The following FAM124A variants were observed in gnomAD, a reference collection of about 807,000 sequenced individuals.
The protein encoded by FAM124A is family with sequence similarity 124 member A.
FAM124A carries 23 observed loss-of-function variants against 24.5 expected under a neutral mutation model. That is an observed-to-expected ratio of 0.94 (90% CI 0.68 to 1.33). The LOEUF is 1.33. Ranked by LOEUF, FAM124A falls within the 40% of genes most tolerant of loss-of-function variation. The probability of loss-of-function intolerance (pLI) is 0.00; values close to 1 mark genes in which losing one functional copy is unlikely to be tolerated. For missense variants in FAM124A, 623 were observed against 722.8 expected, an observed-to-expected ratio of 0.86 and a Z score of 1.58; for synonymous variants, 287 against 314.7, an observed-to-expected ratio of 0.91 and a Z score of 0.93.
In FAM124A at chr13:51,251,875, G is replaced by A; in HGVS notation, c.508G>A (p.Glu170Lys). 1 of 1,613,894 alleles carries A rather than the reference G, an allele frequency of 6.2e-7. No individual in the cohort carries two copies. Among genetic ancestry groups the A allele is most frequent in the African/African-American group, 1.3e-5 (1 of 75,074 alleles). Reference sequence around the variant, plus strand: ...CATCCGGCCCGTGCACTACGGCAAGGAAATCGTGCGCTTCACCGTCTACTG... The same window carrying A: ...CATCCGGCCCGTGCACTACGGCAAGAAAATCGTGCGCTTCACCGTCTACTG... Reference protein sequence around the residue: ...WAIRPVHYGKEIVRFTVYCRY... With the variant: ...WAIRPVHYGKKIVRFTVYCRY... Residue 170 changes from glutamate to lysine, a missense_variant, in exon 3 of 4, where the codon GAA becomes AAA. By Grantham distance (56) the Glu-to-Lys change is moderately conservative. Transcript: ENST00000322475. This position sits in a 1 kb window ranked among gnomAD's most constrained non-coding sequence, Gnocchi z 5.3.
intron 1 of FAM124A, among the ~76,000 whole-genome samples, chr13:51,228,501 C>T (rs2137644045): frequency 6.6e-6 from 1 of 152,254 alleles, no homozygotes; most frequent in African/African-American, 2.4e-5. Flanking sequence ...TTTCATGCTT[C>T]ATTCTGGCAG....
intron 3 of FAM124A, among the ~76,000 whole-genome samples, chr13:51,269,606 C>G (rs940563146): frequency 3.3e-5 from 5 of 151,996 alleles, no homozygotes; most frequent in Non-Finnish European, 7.4e-5. Context: ...AAAAGAAAAT[C>G]AATACATTAA....
chr13:51,225,928 GAGA>G (rs1954310446), intron 1 of FAM124A, among the ~76,000 whole-genome samples: 2 of 148,586 alleles, frequency 1.3e-5, no homozygotes, highest in African/African-American at 4.9e-5. Context: ...AAGGGGGAAG[GAGA>G]AGGAGGAGAA....
chr13:51,276,336 A>G (rs1954885726), intron 3 of FAM124A, among the ~76,000 whole-genome samples: 1 of 152,190 alleles, frequency 6.6e-6, no homozygotes, highest in Non-Finnish European at 1.5e-5. Context: ...CTGCCATTCT[A>G]TGCAGAGAAT....
At chr13:51,259,293 G>GTGTGAA in intron 3 of FAM124A, among the ~76,000 whole-genome samples, 1 of 152,152 alleles carries the variant, frequency 6.6e-6, no homozygotes, top group African/African-American at 2.4e-5. Flanking sequence ...ATGCAAATCA[G>GTGTGAA]ATCATGTGAC....
In FAM124A at chr13:51,280,774, G is replaced by T; in HGVS notation, c.1159G>T (p.Ala387Ser). 6.2e-7 allele frequency: 1 copy of T among 1,614,196 alleles called. No homozygotes were observed. Among genetic ancestry groups the T allele is most frequent in the Non-Finnish European group, 8.5e-7 (1 of 1,180,042 alleles). The change falls in exon 4 of 4, where the codon GCC (alanine) becomes TCC (serine). Residue 387 changes from alanine (A) to serine (S), a missense_variant. Physicochemically the swap from Ala to Ser is moderately conservative, Grantham distance 99. Transcript: ENST00000322475. ...AEPQWFSNTG[A>S]PGHRASEWRH... ...ACCACAGTGGTTTTCAAACACAGGT[G>T]CCCCAGGGCACAGGGCATCAGAGTG...
intron 2 of FAM124A, among the ~76,000 whole-genome samples, chr13:51,246,780 G>A (rs552661058): frequency 4.5e-4 from 69 of 152,296 alleles, no homozygotes; most frequent in Middle Eastern, 3.4e-3. Flanking sequence ...CTTCAGCATG[G>A]TCTTTGTTAC....
chr13:51,259,826 C>T (rs192771519), intron 3 of FAM124A, among the ~76,000 whole-genome samples: 1 of 152,268 alleles, frequency 6.6e-6, no homozygotes, highest in Admixed American at 6.5e-5. Flanking sequence ...GTCACCCTCG[C>T]ACCTCTAACA....
intron 3 of FAM124A, among the ~76,000 whole-genome samples, chr13:51,267,598 A>G (rs528136777): frequency 1.4e-4 from 22 of 152,260 alleles, no homozygotes; most frequent in Admixed American, 1.1e-3. Context: ...TTTCATGTAA[A>G]TAAGATTTTT....
chr13:51,240,605 A>G (rs73194188), intron 2 of FAM124A, among the ~76,000 whole-genome samples: 9,308 of 152,260 alleles, frequency 0.061, 369 homozygotes, highest in Non-Finnish European at 0.08. Flanking sequence ...AGGTCTCTCT[A>G]TGAGACAGTG....
At chr13:51,246,054 A>T (rs1304746650) in intron 2 of FAM124A, among the ~76,000 whole-genome samples, 1 of 152,238 alleles carries the variant, frequency 6.6e-6, no homozygotes. Flanking sequence ...GTCTATAATC[A>T]AATGAAAAAG....
At chr13:51,274,684 A>G (rs529721008) in intron 3 of FAM124A, among the ~76,000 whole-genome samples, 1 of 152,326 alleles carries the variant, frequency 6.6e-6, no homozygotes, top group South Asian at 2.1e-4. Context: ...TAAGTACCTT[A>G]AAATTACCTT....
intron 2 of FAM124A, among the ~76,000 whole-genome samples, chr13:51,237,717 T>G (rs532266003): frequency 6.6e-6 from 1 of 152,376 alleles, no homozygotes; most frequent in African/African-American, 2.4e-5. Flanking sequence ...TCTGTGGCTT[T>G]TCCTTCAAAG....
At chr13:51,225,192 A>T (rs1420931167) in intron 1 of FAM124A, 2 of 152,194 alleles carry the variant, frequency 1.3e-5, no homozygotes, top group African/African-American at 4.8e-5. Flanking sequence ...TTTTCAACAC[A>T]CTGTGTCTGA....
In FAM124A at chr13:51,279,760, C is replaced by T. The variant is rs148998863; in HGVS notation, c.835-690C>T. Reference sequence around the variant, plus strand: ...AGGATCCGCAGGATCAGTCAGCAGGCGGCAGCTCCCTTTCCTGTACACAGT... The same window carrying T: ...AGGATCCGCAGGATCAGTCAGCAGGTGGCAGCTCCCTTTCCTGTACACAGT... On this transcript the variant is annotated intron_variant, in intron 3 of 3. Transcript: ENST00000322475. Among the ~76,000 whole-genome samples the T allele has an allele frequency of 6.0e-4, 92 of 152,288 alleles. 1 individual carries two copies. The East Asian group carries it at 0.015, about 25-fold the overall frequency.
At chr13:51,225,323 A>G (rs1234633337) in intron 1 of FAM124A, 5 of 152,232 alleles carry the variant, frequency 3.3e-5, no homozygotes, top group Non-Finnish European at 7.3e-5. Flanking sequence ...AAAAATGGCA[A>G]TGGAAGCTCT....
chr13:51,247,383 T>G (rs1045149559), intron 2 of FAM124A, among the ~76,000 whole-genome samples: 2 of 152,196 alleles, frequency 1.3e-5, no homozygotes, highest in African/African-American at 4.8e-5. Flanking sequence ...GTGCCTCAAT[T>G]TCCTGGTTTC....
At chr13:51,233,681 G>A (rs1954403770) in intron 2 of FAM124A, among the ~76,000 whole-genome samples, 1 of 152,072 alleles carries the variant, frequency 6.6e-6, no homozygotes, top group African/African-American at 2.4e-5. Context: ...AAGGCCCCTT[G>A]AGCAGTCAGT....
In FAM124A at chr13:51,272,500, G is replaced by C. The variant is rs1018947887; in HGVS notation, c.835-7950G>C. Among the ~76,000 whole-genome samples the C allele has an allele frequency of 6.6e-6, 1 of 151,882 alleles. No individual in the cohort carries two copies. Among genetic ancestry groups the C allele is most frequent in the African/African-American group, 2.4e-5 (1 of 41,310 alleles). On this transcript the variant is annotated intron_variant, in intron 3 of 3. Coordinates refer to ENST00000322475, the MANE Select transcript of FAM124A (RefSeq NM_001242312.2). The surrounding 1 kb of genome is among the most constrained non-coding windows in gnomAD (Gnocchi z 4.2). Reference sequence around the variant, plus strand: ...AGTTTGTACAGAAAGCAATTGACAGGAGTCGACAAATTAAAGACCACAGGC... The same window carrying C: ...AGTTTGTACAGAAAGCAATTGACAGCAGTCGACAAATTAAAGACCACAGGC...
Sources: gnomAD v4.1 joint callset for allele counts (sites outside exome capture counted in the v4.1 genomes callset) on GRCh38, gnomAD v4.1.1 for gene constraint, Gnocchi (gnomAD v3.1) non-coding constraint, MANE v1.5 for transcripts, NCBI Gene and HGNC (gene_info 2026-07-23, HGNC 2026-07-21) for gene names.